TAFA4: variants seen among roughly 807,000 people sequenced by gnomAD.
TAFA4 encodes chemokine-like protein TAFA-4.
Under a neutral mutation model 21.1 loss-of-function variants are expected in TAFA4, and 20 were observed. The observed-to-expected ratio is 0.95, with a 90% CI of 0.67 to 1.38. The LOEUF (loss-of-function observed/expected upper bound fraction) is 1.38. TAFA4 is among the 40% of genes most tolerant of loss of function. TAFA4 has a pLI of 0.00. For missense variants in TAFA4, 211 were observed against 180.9 expected, an observed-to-expected ratio of 1.17 and a Z score of -0.95; for synonymous variants, 71 against 67.4, an observed-to-expected ratio of 1.05 and a Z score of -0.26.
chr3:68,766,694 A>T (rs1402431505), intron 3 of TAFA4, among the ~76,000 whole-genome samples: 1 of 152,186 alleles, frequency 6.6e-6, no homozygotes, highest in African/African-American at 2.4e-5. Flanking sequence ...CAGAGTAAAG[A>T]TACCACCAAA....
chr3:68,859,265 T>C (rs956476243), intron 3 of TAFA4, among the ~76,000 whole-genome samples: 1 of 152,196 alleles, frequency 6.6e-6, no homozygotes, highest in African/African-American at 2.4e-5. Context: ...GGAAAAATTA[T>C]GTATCACTGA....
chr3:68,827,672 C>T (rs1190694151), intron 3 of TAFA4, among the ~76,000 whole-genome samples: 3 of 152,180 alleles, frequency 2.0e-5, no homozygotes, highest in Non-Finnish European at 4.4e-5. Flanking sequence ...TTGTTGGCTG[C>T]ATAAATGTCT....
chr3:68,931,438 A>G (rs935711550), intron 1 of TAFA4, among the ~76,000 whole-genome samples: 1 of 152,156 alleles, frequency 6.6e-6, no homozygotes, highest in Non-Finnish European at 1.5e-5. Flanking sequence ...AAAACGCACC[A>G]GCGGCACTGT....
At chr3:68,917,240 A>G (rs1301924608) in intron 1 of TAFA4, among the ~76,000 whole-genome samples, 1 of 152,184 alleles carries the variant, frequency 6.6e-6, no homozygotes, top group East Asian at 1.9e-4. Flanking sequence ...TGTACTTCTC[A>G]GATTGGACAT....
At chr3:68,846,463 T>C (rs1704799852) in intron 3 of TAFA4, among the ~76,000 whole-genome samples, 1 of 152,072 alleles carries the variant, frequency 6.6e-6, no homozygotes, top group Non-Finnish European at 1.5e-5. Context: ...TGTTAGAACA[T>C]GCTCCTTTAG....
intron 3 of TAFA4, among the ~76,000 whole-genome samples, chr3:68,759,497 G>C (rs1681001508): frequency 6.6e-6 from 1 of 152,126 alleles, no homozygotes; most frequent in Admixed American, 6.6e-5. Flanking sequence ...CTCTAAAAAG[G>C]TACAGGGGGG....
intron 1 of TAFA4, among the ~76,000 whole-genome samples, chr3:68,894,871 T>C (rs1336500497): frequency 3.9e-5 from 6 of 152,170 alleles, no homozygotes; most frequent in African/African-American, 1.2e-4. Flanking sequence ...TTTTGTTTTT[T>C]GTAACAGAGT....
At chr3:68,777,623 A>G (rs1280106959) in intron 3 of TAFA4, among the ~76,000 whole-genome samples, 1 of 152,166 alleles carries the variant, frequency 6.6e-6, no homozygotes, top group Non-Finnish European at 1.5e-5. Context: ...GGAAAATAGA[A>G]TCATAAAAAC....
chr3:68,759,958 G>C (rs1575598123), intron 3 of TAFA4, among the ~76,000 whole-genome samples: 1 of 152,158 alleles, frequency 6.6e-6, no homozygotes, highest in African/African-American at 2.4e-5. Flanking sequence ...ATGTGCCAGA[G>C]ACTGTTCTTG....
At chr3:68,873,272 T>C (rs1379729383) in intron 3 of TAFA4, among the ~76,000 whole-genome samples, 1 of 151,040 alleles carries the variant, frequency 6.6e-6, no homozygotes, top group Non-Finnish European at 1.5e-5. Context: ...TCATACTTGT[T>C]TTCCAGGAGA....
intron 1 of TAFA4, among the ~76,000 whole-genome samples, chr3:68,924,466 AG>A (rs1161806068): frequency 6.6e-6 from 1 of 152,226 alleles, no homozygotes; most frequent in African/African-American, 2.4e-5. Context: ...GGTGGCTGTC[AG>A]GAACTAGAAG....
At chr3:68,849,906 T>G (rs1417307691) in intron 3 of TAFA4, among the ~76,000 whole-genome samples, 3 of 152,182 alleles carry the variant, frequency 2.0e-5, no homozygotes, top group Admixed American at 6.5e-5. Flanking sequence ...TTCGAAGGAT[T>G]TTTTTTCTTG....
intron 3 of TAFA4, among the ~76,000 whole-genome samples, chr3:68,834,442 C>T (rs1249769023): frequency 6.6e-6 from 1 of 152,056 alleles, no homozygotes; most frequent in Non-Finnish European, 1.5e-5. Flanking sequence ...ATTTACTGTG[C>T]TCATAAAACC....
chr3:68,929,862 A>G lies in TAFA4; in HGVS notation c.-123+2378T>C, dbSNP rs75186182. ...CTTCCTTCTTTCCCTTATTCATCACAGGCAATATAGAATCACTTGCTCAAT... is the reference window on the plus strand; with the variant it reads ...CTTCCTTCTTTCCCTTATTCATCACGGGCAATATAGAATCACTTGCTCAAT... On this transcript the variant is annotated intron_variant, in intron 1 of 5. Transcript: ENST00000295569. Among the ~76,000 whole-genome samples the G allele has an allele frequency of 9.9e-3, 1,515 of 152,364 alleles. 26 individuals are homozygous for G. Among genetic ancestry groups the G allele is most frequent in the African/African-American group, 0.035 (1,440 of 41,592 alleles).
intron 3 of TAFA4, among the ~76,000 whole-genome samples, chr3:68,783,705 G>GAAAGAAA (rs752071251): frequency 0.02 from 2,042 of 100,296 alleles, 38 homozygotes; most frequent in East Asian, 0.15. Context: ...GAGAGAGAGA[G>GAAAGAAA]AGAAAGAAAA....
intron 1 of TAFA4, among the ~76,000 whole-genome samples, chr3:68,901,282 T>G (rs2089841651): frequency 6.6e-6 from 1 of 152,062 alleles, no homozygotes; most frequent in Non-Finnish European, 1.5e-5. Context: ...TGCCTTCCCT[T>G]GAATTCCTCA....
chr3:68,866,023 G>C (rs1400330557), intron 3 of TAFA4, among the ~76,000 whole-genome samples: 1 of 152,106 alleles, frequency 6.6e-6, no homozygotes, highest in African/African-American at 2.4e-5. Flanking sequence ...TTGGGTTCTT[G>C]TTCAGGGAAA....
chr3:68,842,442 A>T (rs1472271819), intron 3 of TAFA4, among the ~76,000 whole-genome samples: 1 of 152,210 alleles, frequency 6.6e-6, no homozygotes, highest in Non-Finnish European at 1.5e-5. Context: ...TCTGGATATT[A>T]GCCCTTTGTC....
rs557142608 is a variant in TAFA4 at position 68,737,371 on chromosome 3, C to T, written c.411+1704G>A. Among the ~76,000 whole-genome samples the T allele has an allele frequency of 7.2e-5, 11 of 152,250 alleles. No individual in the cohort carries two copies. The South Asian group carries it at 1.2e-3, about 17-fold the overall frequency. ...TTATTGGGAATGGCTTAGAATGATA[C>T]GAGTGTTGACCTCCTTGCACCACCA... is the stretch of plus-strand genomic sequence containing the variant. On this transcript the variant is annotated intron_variant, in intron 5 of 5. Coordinates refer to ENST00000295569, the MANE Select transcript of TAFA4 (RefSeq NM_182522.5).
Sources: allele counts gnomAD v4.1 joint callset (sites outside exome capture counted in the v4.1 genomes callset), GRCh38; gene constraint gnomAD v4.1.1; transcripts MANE v1.5; gene names NCBI Gene and HGNC (gene_info 2026-07-23, HGNC 2026-07-21).